The following VMA12 variants were observed in gnomAD, a reference collection of about 807,000 sequenced individuals.
VMA12 encodes vacuolar ATPase assembly protein VMA12.
the VMA12 span, chr17:28,358,940 T>A: frequency 6.2e-7 from 1 of 1,612,348 alleles, no homozygotes; most frequent in Non-Finnish European, 8.5e-7. Context: ...CTCCATGAGC[T>A]CCTAGAAGGC....
At chr17:28,360,661 G>T in the VMA12 span, 1 of 1,604,720 alleles carries the variant, frequency 6.2e-7, no homozygotes. Flanking sequence ...CCCAGTTGGT[G>T]GGGGAGCCAT....
At chr17:28,359,383 C>T in the VMA12 span, 8 of 1,614,096 alleles carry the variant, frequency 5.0e-6, no homozygotes, top group East Asian at 2.2e-5. Context: ...ATAAACGGAT[C>T]ACCCGCAACG....
the VMA12 span, chr17:28,360,650 AC>A: frequency 6.2e-7 from 1 of 1,607,698 alleles, no homozygotes; most frequent in African/African-American, 1.3e-5. Flanking sequence ...TTTGACTGAA[AC>A]CCAGTTGGTG....
chr17:28,359,011 G>C, the VMA12 span: 1 of 1,589,938 alleles, frequency 6.3e-7, no homozygotes, highest in Admixed American at 1.8e-5. Context: ...ATATGTTTGT[G>C]AGAGTGGTTA....
the VMA12 span, chr17:28,361,051 C>G: frequency 1.3e-3 from 1,451 of 1,151,934 alleles, 15 homozygotes; most frequent in African/African-American, 0.021. Flanking sequence ...TTCCCCTCCC[C>G]CAACTTAGAG....
chr17:28,359,334 G>T, the VMA12 span: 1 of 1,613,902 alleles, frequency 6.2e-7, no homozygotes, highest in African/African-American at 1.3e-5. Flanking sequence ...CTAGTTGCCC[G>T]GCTGGAGAAG....
At chr17:28,358,626 T>C in the VMA12 span, among the ~76,000 whole-genome samples, 1 of 152,196 alleles carries the variant, frequency 6.6e-6, no homozygotes, top group Non-Finnish European at 1.5e-5. Context: ...GAAGAGCTGT[T>C]GTGGCCACAG....
chr17:28,359,520 G>T, the VMA12 span: 1 of 896,394 alleles, frequency 1.1e-6, no homozygotes, highest in Non-Finnish European at 1.7e-6. Flanking sequence ...TACTGTTCAG[G>T]GACCATAGGA....
At chr17:28,357,802 C>T in the VMA12 span, 8 of 1,614,026 alleles carry the variant, frequency 5.0e-6, no homozygotes, top group Non-Finnish European at 5.9e-6. Flanking sequence ...AGCACAAGGG[C>T]GGTGATAGCT....
the VMA12 span, chr17:28,359,018 G>A: frequency 6.4e-7 from 1 of 1,566,606 alleles, no homozygotes; most frequent in Non-Finnish European, 8.7e-7. Flanking sequence ...TGTGAGAGTG[G>A]TTATTGACTG....
the VMA12 span, chr17:28,360,487 A>G: frequency 6.9e-6 from 11 of 1,594,994 alleles, no homozygotes; most frequent in Non-Finnish European, 8.6e-6. Flanking sequence ...ATGCTCTCTG[A>G]GCTGCTTCTA....
chr17:28,361,017 C>A, the VMA12 span: 1 of 926,178 alleles, frequency 1.1e-6, no homozygotes, highest in Non-Finnish European at 1.7e-6. Flanking sequence ...GTAATAACCC[C>A]AGGAGAAGCC....
chr17:28,361,396 G>C, the VMA12 span: 1 of 687,524 alleles, frequency 1.5e-6, no homozygotes, highest in South Asian at 1.8e-5. Context: ...CTGTTTCTGT[G>C]GGGAGCCCTA....
chr17:28,360,644 A>G, the VMA12 span: 1 of 1,607,378 alleles, frequency 6.2e-7, no homozygotes, highest in South Asian at 1.1e-5. Context: ...TTGTTGTTTG[A>G]CTGAAACCCA....
chr17:28,359,413 A>G, the VMA12 span: 12 of 1,613,672 alleles, frequency 7.4e-6, no homozygotes, highest in South Asian at 1.1e-5. Flanking sequence ...AGGTAAGGAC[A>G]TGCTCTTCAG....
the VMA12 span, chr17:28,360,847 G>A: frequency 1.6e-5 from 26 of 1,613,102 alleles, no homozygotes; most frequent in Middle Eastern, 1.7e-4. Flanking sequence ...AAATGGCCTC[G>A]GTGAGTAGGC....
At chr17:28,358,100 TCTTCA>T in the VMA12 span, 1 of 582,386 alleles carries the variant, frequency 1.7e-6, no homozygotes, top group Non-Finnish European at 3.0e-6. Context: ...GAGAGCCCCC[TCTTCA>T]CTTCCAGGCA....
chr17:28,359,486 A>G, the VMA12 span: 1 of 1,351,388 alleles, frequency 7.4e-7, no homozygotes, highest in South Asian at 1.2e-5. Flanking sequence ...AGAGTTTAGA[A>G]AAAACATGGA....
the VMA12 span, chr17:28,361,161 T>G: frequency 6.2e-7 from 1 of 1,614,064 alleles, no homozygotes; most frequent in Non-Finnish European, 8.5e-7. Flanking sequence ...CTCCAGCGGG[T>G]GCTAGCTGCA....
Sources: allele counts gnomAD v4.1 joint callset (sites outside exome capture counted in the v4.1 genomes callset), GRCh38; gene constraint gnomAD v4.1.1; transcripts MANE v1.5; gene names NCBI Gene and HGNC (gene_info 2026-07-23, HGNC 2026-07-21).